AK8: variants seen among roughly 807,000 people sequenced by gnomAD.
The protein encoded by AK8 is adenylate kinase 8.
In AK8, 44 loss-of-function variants were observed where a neutral mutation model predicts 54.6. That is an observed-to-expected ratio of 0.81 (90% confidence interval 0.63 to 1.04). The LOEUF is 1.04. AK8 is among the 50% of genes least tolerant of loss of function. The pLI, the probability that AK8 is intolerant of heterozygous loss-of-function variation, is 0.00. For synonymous variants in AK8, 239 were observed against 245.6 expected (o/e 0.97, Z 0.25); for missense variants, 555 against 613.6 (o/e 0.90, Z 1.01).
intron 1 of AK8, chr9:132,877,657 A>G: frequency 2.8e-6 from 1 of 355,982 alleles, no homozygotes. Context: ...TCTGGCCCTG[A>G]GGAGGAGGGA....
Position 132,869,679 on chromosome 9 carries a change from C to T in AK8, c.170-2726G>A, listed in dbSNP as rs571063776. Among the ~76,000 whole-genome samples, 16 of 152,322 alleles carry T rather than the reference C, an allele frequency of 1.1e-4. No individual in the cohort carries two copies. In the South Asian group the frequency reaches 2.3e-3, roughly 22 times the overall value. ...CCCTCCCCATGGGTGAGAGAAGCCA[C>T]CATAGGATATAGTGTGGAAAACACT... On this transcript the variant is annotated intron_variant, in intron 2 of 12. Coordinates refer to ENST00000298545, the MANE Select transcript of AK8 (RefSeq NM_152572.3).
chr9:132,809,261 G>A (rs966003001), intron 10 of AK8, among the ~76,000 whole-genome samples: 1 of 152,226 alleles, frequency 6.6e-6, no homozygotes, highest in Admixed American at 6.5e-5. Context: ...CCAACCAGCA[G>A]CTCCTCTTCT....
At chr9:132,816,366 AAG>A (rs1841330643) in intron 9 of AK8, among the ~76,000 whole-genome samples, 1 of 151,882 alleles carries the variant, frequency 6.6e-6, no homozygotes. Flanking sequence ...AAAAAAAAAA[AAG>A]AAAAAGAAAG....
intron 11 of AK8, among the ~76,000 whole-genome samples, chr9:132,779,271 A>G (rs1241181442): frequency 6.6e-6 from 1 of 152,196 alleles, no homozygotes; most frequent in East Asian, 1.9e-4. Flanking sequence ...TAACATATAG[A>G]CAAATCTGTA....
At chr9:132,825,877 C>T (rs1841847889) in intron 8 of AK8, among the ~76,000 whole-genome samples, 1 of 152,220 alleles carries the variant, frequency 6.6e-6, no homozygotes, top group African/African-American at 2.4e-5. Flanking sequence ...ATCGTAAACG[C>T]TTCATTTACC....
At chr9:132,840,480 T>A (rs2131343380) in intron 5 of AK8, among the ~76,000 whole-genome samples, 1 of 151,888 alleles carries the variant, frequency 6.6e-6, no homozygotes, top group African/African-American at 2.4e-5. Flanking sequence ...GAAGGCAGTC[T>A]GCAGCTGGCT....
At chr9:132,780,734 T>C (rs895987076) in intron 11 of AK8, among the ~76,000 whole-genome samples, 7 of 151,970 alleles carry the variant, frequency 4.6e-5, no homozygotes, top group African/African-American at 1.7e-4. Context: ...TTCCTGAGAG[T>C]CCTAAAATGC....
In AK8 at chr9:132,809,007, C is replaced by T. The variant is rs975962146; in HGVS notation, c.979+5631G>A. ...GTTCTGGCAGTGACACCTGCAAGCTCAGAGATGCTAGGGGCCTCTGCCCCA... is the reference window on the plus strand; with the variant it reads ...GTTCTGGCAGTGACACCTGCAAGCTTAGAGATGCTAGGGGCCTCTGCCCCA... On this transcript the variant is annotated intron_variant, in intron 10 of 12. Transcript: ENST00000298545. Among the ~76,000 whole-genome samples the T allele has an allele frequency of 6.6e-5, 10 of 152,358 alleles. No individual in the cohort carries two copies. In the East Asian group the frequency reaches 1.7e-3, roughly 26 times the overall value.
chr9:132,760,254 G>GCTCA (rs1838390891), intron 11 of AK8, among the ~76,000 whole-genome samples: 1 of 151,584 alleles, frequency 6.6e-6, no homozygotes, highest in South Asian at 2.1e-4. Context: ...AATGATTATA[G>GCTCA]CTCACTGCAG....
chr9:132,852,445 T>TA (rs1440773196), intron 5 of AK8, among the ~76,000 whole-genome samples: 3 of 151,786 alleles, frequency 2.0e-5, no homozygotes, highest in African/African-American at 7.3e-5. Context: ...TCGTCTCTAC[T>TA]AAAAAATACA....
At chr9:132,874,888 A>G (rs937991159) in intron 2 of AK8, among the ~76,000 whole-genome samples, 1 of 152,184 alleles carries the variant, frequency 6.6e-6, no homozygotes, top group African/African-American at 2.4e-5. Context: ...GTGCTCCAAA[A>G]GAAATCAAGG....
chr9:132,846,797 G>A (rs113083860), intron 5 of AK8, among the ~76,000 whole-genome samples: 1 of 152,224 alleles, frequency 6.6e-6, no homozygotes, highest in Non-Finnish European at 1.5e-5. Flanking sequence ...CATGTGCCTG[G>A]TCTACCCTGG....
rs1317039538 is a variant in AK8, at chr9:132,799,882, TTC to T, written c.980-7109_980-7108del. Among the ~76,000 whole-genome samples the T allele has an allele frequency of 2.0e-5, 3 of 152,254 alleles. No homozygotes were observed. Among genetic ancestry groups the T allele is most frequent in the Admixed American group, 6.5e-5 (1 of 15,294 alleles). On this transcript the variant is annotated intron_variant, in intron 10 of 12. Coordinates refer to ENST00000298545, the MANE Select transcript of AK8 (RefSeq NM_152572.3). The surrounding 1 kb of genome is among the most constrained non-coding windows in gnomAD (Gnocchi z 5.0). ...GTTCATGGGGGAGGCTGGCATTTGC[TTC>T]TCTTTCTCCTGTGGTCCCTGGGTCC...
At chr9:132,817,589 T>G (rs1841385991) in intron 9 of AK8, among the ~76,000 whole-genome samples, 1 of 152,172 alleles carries the variant, frequency 6.6e-6, no homozygotes, top group Non-Finnish European at 1.5e-5. Context: ...TACAGTATCT[T>G]AAATGAAACA....
intron 5 of AK8, among the ~76,000 whole-genome samples, chr9:132,849,559 A>G (rs934971806): frequency 2.6e-5 from 4 of 152,214 alleles, no homozygotes; most frequent in African/African-American, 9.6e-5. Flanking sequence ...GCAGAAGACC[A>G]TCCACTCACA....
chr9:132,748,445 G>A (rs2131003980), intron 11 of AK8, among the ~76,000 whole-genome samples: 1 of 152,088 alleles, frequency 6.6e-6, no homozygotes, highest in South Asian at 2.1e-4. Flanking sequence ...AGCCTCCCAG[G>A]TGCTCAGGTG....
rs745774866 is a variant in AK8 at position 132,725,677 on chromosome 9, C to A, written c.*11G>T. The A allele has an allele frequency of 1.3e-6, 2 of 1,565,644 alleles. No homozygotes were observed. Among genetic ancestry groups the A allele is most frequent in the Non-Finnish European group, 1.7e-6 (2 of 1,150,798 alleles). The stretch of plus-strand genomic sequence containing the variant: ...TCTTTCCCTGGGGCAGCGCTCCTGG[C>A]TCTGAACCCATCAGGGGATTTTCTT... On this transcript the variant is annotated 3_prime_UTR_variant, in exon 13 of 13. Transcript: ENST00000298545.
At position 132,834,519 on chromosome 9, in the gene AK8, G is replaced by C. The variant is rs146558806; in HGVS notation, c.403-5793C>G. Among the ~76,000 whole-genome samples, 134 of 152,222 alleles carry C rather than the reference G, an allele frequency of 8.8e-4. 1 individual carries two copies. The highest frequency in any genetic ancestry group is 4.2e-3 in the Admixed American group (64 of 15,294). On this transcript the variant is annotated intron_variant, in intron 5 of 12. Transcript: ENST00000298545. The stretch of plus-strand genomic sequence containing the variant: ...ACTGAACGTGGAATGCACTGAACAC[G>C]GAACGTTAGTATTCCACATTCCACA...
chr9:132,877,369 A>G (rs977142546), intron 1 of AK8, among the ~76,000 whole-genome samples: 2 of 152,332 alleles, frequency 1.3e-5, no homozygotes, highest in Admixed American at 1.3e-4. Context: ...GACCACAGAC[A>G]CCACTATGCC....
Sources: allele counts gnomAD v4.1 joint callset (sites outside exome capture counted in the v4.1 genomes callset), GRCh38; gene constraint gnomAD v4.1.1; non-coding constraint Gnocchi (gnomAD v3.1); transcripts MANE v1.5; gene names NCBI Gene and HGNC (gene_info 2026-07-23, HGNC 2026-07-21).